The following ACTN4 variants were observed in gnomAD, a reference collection of about 807,000 sequenced individuals.
ACTN4 encodes the protein actinin alpha 4.
ACTN4 carries 18 observed loss-of-function variants against 114.2 expected under a neutral mutation model. That is an observed-to-expected ratio of 0.16 (90% confidence interval 0.11 to 0.23). The LOEUF is 0.23. Among genes scored for constraint, ACTN4 ranks in the 10% least tolerant of loss-of-function variants. The pLI is 1.00. For synonymous variants in ACTN4, 515 were observed against 506.3 expected, an observed-to-expected ratio of 1.02 and a Z score of -0.23; for missense variants, 722 against 1,262.9, an observed-to-expected ratio of 0.57 and a Z score of 6.49.
intron 1 of ACTN4, among the ~76,000 whole-genome samples, chr19:38,673,691 T>C (rs1385518766): frequency 5.7e-5 from 4 of 70,164 alleles, no homozygotes; most frequent in East Asian, 6.2e-4. Flanking sequence ...TTTATATATA[T>C]TATATATATT....
rs368563044 is a variant in ACTN4 at position 38,729,087 on chromosome 19, G to A, written c.2510G>A (p.Arg837Gln). ...CAAGCCTTCATCGACTTCATGTCGC[G>A]GGAGACCACCGACACGGACACGGCT... ...TFQAFIDFMS[R>Q]ETTDTDTADQ... The change falls in exon 20 of 21, where the codon CGG becomes CAG. Residue 837 changes from arginine (R) to glutamine (Q), a missense_variant. By Grantham distance (43) the Arg-to-Gln change is conservative (BLOSUM62 1). Coordinates refer to ENST00000252699, the MANE Select transcript of ACTN4 (RefSeq NM_004924.6). 1.5e-5 allele frequency: 25 copies of A among 1,613,248 alleles called. No individual in the cohort carries two copies. The highest frequency in any genetic ancestry group is 1.2e-4 in the South Asian group (11 of 91,070).
Position 38,680,212 on chromosome 19 carries a change from GTTTTTTTTTTTTTTT to G in ACTN4, c.163-20369_163-20355del, listed in dbSNP as rs75920199. On this transcript the variant is annotated intron_variant, in intron 1 of 20. Transcript: ENST00000252699. The stretch of plus-strand genomic sequence containing the variant: ...CCTGTCCATAGCTGGAGCTCAGGAA[GTTTTTTTTTTTTTTT>G]TTTTTTTTTTTTTTTTTTAAAGTCA... Among the ~76,000 whole-genome samples the G allele has an allele frequency of 7.9e-3, 977 of 124,306 alleles. 9 individuals are homozygous for G. The highest frequency in any genetic ancestry group is 0.024 in the African/African-American group (714 of 29,664). The allele number at this position is 124,306 out of a possible 152,430, so 81.5% of individuals were successfully genotyped here.
intron 1 of ACTN4, among the ~76,000 whole-genome samples, chr19:38,688,833 C>T (rs1470396768): frequency 2.0e-5 from 3 of 152,178 alleles, no homozygotes; most frequent in Non-Finnish European, 1.5e-5. Context: ...TGGGAGAAAT[C>T]AGAACCCTCA....
chr19:38,727,990 C>A lies in ACTN4; in HGVS notation c.2382C>A (p.Leu794=). 1 of 1,613,148 alleles carries A rather than the reference C, an allele frequency of 6.2e-7. No individual in the cohort carries two copies. The highest frequency in any genetic ancestry group is 1.3e-5 in the African/African-American group (1 of 75,026). The change falls in exon 19 of 21, where the codon CTC becomes CTA. Residue 794 remains leucine (L), a synonymous_variant. Transcript: ENST00000252699. This position sits in a 1 kb window ranked among gnomAD's most constrained non-coding sequence, Gnocchi z 5.4. ...GGCCCGAGGAGTTCAAGGCCTGCCT[C>A]ATCAGCCTGGGCTACGACGTGGAGA... ...ALGPEEFKAC[L]ISLGYDVEND... is the part of the protein sequence containing the mutation.
At chr19:38,714,421 G>T in intron 8 of ACTN4, 48 bp from the exon 9 acceptor site, 3 of 1,576,204 alleles carry the variant, frequency 1.9e-6, no homozygotes, top group East Asian at 2.2e-5. Flanking sequence ...CCGTCAGGAG[G>T]GAGGGTGGCC....
rs371936803 is a variant in ACTN4, at chr19:38,717,441, C to T, written c.1143+125C>T. On this transcript the variant is annotated intron_variant, in intron 10 of 20. Coordinates refer to ENST00000252699, the MANE Select transcript of ACTN4 (RefSeq NM_004924.6). This position sits in a 1 kb window ranked among gnomAD's most constrained non-coding sequence, Gnocchi z 4.0. ...GATGTCCTGTGGGACATGGCATGGC[C>T]TTTCGGATGCAGTGGTCGGGGAGGG... 1 of 1,305,250 alleles carries T rather than the reference C, an allele frequency of 7.7e-7. No homozygotes were observed. 80.9% of individuals were successfully genotyped at this position (1,305,250 alleles called of 1,614,324 possible).
intron 1 of ACTN4, among the ~76,000 whole-genome samples, chr19:38,666,606 C>T (rs757273383): frequency 2.6e-5 from 4 of 152,242 alleles, no homozygotes; most frequent in Admixed American, 1.3e-4. Flanking sequence ...GACACCTCCC[C>T]GCCATCACGG....
rs891918401 is a variant in ACTN4, at chr19:38,720,369, C to T, written c.1292-1169C>T. Among the ~76,000 whole-genome samples the T allele has an allele frequency of 5.3e-5, 8 of 152,236 alleles. No individual in the cohort carries two copies. The East Asian group carries it at 9.6e-4, about 18-fold the overall frequency. On this transcript the variant is annotated intron_variant, in intron 11 of 20. Transcript: ENST00000252699. ...TCGGTGCACCCTTGCCAGGACTCTGCGGAGGCAGAGGGAGATGTCACCTGC... is the reference window on the plus strand; with the variant it reads ...TCGGTGCACCCTTGCCAGGACTCTGTGGAGGCAGAGGGAGATGTCACCTGC...
rs1253941922 is a variant in ACTN4 at position 38,701,008 on chromosome 19, G to A, written c.284G>A (p.Arg95Gln). The A allele has an allele frequency of 5.0e-6, 8 of 1,613,892 alleles. No individual in the cohort carries two copies. Among genetic ancestry groups the A allele is most frequent in the South Asian group, 1.1e-5 (1 of 91,072 alleles). The change falls in exon 3 of 21, where the codon CGG (arginine) becomes CAG (glutamine). Residue 95 changes from arginine (R) to glutamine (Q), a missense_variant. Physicochemically the swap from Arg to Gln is conservative, Grantham distance 43. Around this residue, in one of 3 missense-constraint regions of ACTN4, gnomAD observed 127 missense variants for 311.3 expected, o/e 0.41. Transcript: ENST00000252699. The stretch of plus-strand genomic sequence containing the variant: ...CTCTTTGTGCACTTCTCAGGGGAGC[G>A]GTTACCTAAGCCGGAGCGGGGGAAG... The part of the protein sequence containing the change: ...MLLLEVISGE[R>Q]LPKPERGKMR...
At chr19:38,667,046 GTAAT>G (rs1447558678) in intron 1 of ACTN4, among the ~76,000 whole-genome samples, 1 of 152,152 alleles carries the variant, frequency 6.6e-6, no homozygotes, top group Non-Finnish European at 1.5e-5. Context: ...TCTTTAGCTT[GTAAT>G]TAAGGTGCTC....
chr19:38,717,873 C>T lies in ACTN4; in HGVS notation c.1144-54C>T, dbSNP rs1968896655. 6.4e-7 allele frequency: 1 copy of T among 1,553,140 alleles called. No homozygotes were observed. Among genetic ancestry groups the T allele is most frequent in the South Asian group, 1.2e-5 (1 of 84,302 alleles). ...CATCAGCATCCCTTGGAGACATCCC[C>T]CTGGGTGCCTCCACTTCCTTGTGAT... On this transcript the variant is annotated intron_variant, in intron 10 of 20. Coordinates refer to ENST00000252699, the MANE Select transcript of ACTN4 (RefSeq NM_004924.6). The surrounding 1 kb of genome is among the most constrained non-coding windows in gnomAD (Gnocchi z 4.0).
At chr19:38,728,882 C>T (rs1348973776) in intron 19 of ACTN4, 114 bp from the exon 20 acceptor site, 27 of 1,356,458 alleles carry the variant, frequency 2.0e-5, no homozygotes, top group East Asian at 7.0e-5. Context: ...CGCACGCACA[C>T]GTGGGTTGGG....
chr19:38,676,115 A>G (rs536531359), intron 1 of ACTN4, among the ~76,000 whole-genome samples: 1 of 152,046 alleles, frequency 6.6e-6, no homozygotes, highest in African/African-American at 2.4e-5. Context: ...CTGGAGTCCC[A>G]TATGGGAGTT....
intron 3 of ACTN4, 149 bp downstream of exon 3, chr19:38,701,270 A>G: frequency 1.5e-6 from 2 of 1,347,660 alleles, no homozygotes; most frequent in South Asian, 2.8e-5. Flanking sequence ...AGTGATCACA[A>G]CAACTGCTCT....
chr19:38,706,647 G>A (rs1968468786), intron 5 of ACTN4, among the ~76,000 whole-genome samples: 1 of 152,182 alleles, frequency 6.6e-6, no homozygotes, highest in Non-Finnish European at 1.5e-5. Flanking sequence ...TTGAACTCCT[G>A]AGCTCAAGCA....
chr19:38,713,212 C>T (rs538319136), intron 8 of ACTN4, among the ~76,000 whole-genome samples: 22 of 152,340 alleles, frequency 1.4e-4, no homozygotes, highest in Non-Finnish European at 2.6e-4. Context: ...GAAGCGTTCC[C>T]GCCTCGTTCC....
chr19:38,727,134 C>G lies in ACTN4; in HGVS notation c.2337+31C>G. The G allele has an allele frequency of 6.2e-7, 1 of 1,613,102 alleles. No individual in the cohort carries two copies. The highest frequency in any genetic ancestry group is 2.2e-5 in the East Asian group (1 of 44,886). The stretch of plus-strand genomic sequence containing the variant: ...CAGCCTGCCACCTCCTCGGCCTCTC[C>G]CCTCCCGCCGTTGCCGTACCAGCCC... On this transcript the variant is annotated intron_variant, in intron 18 of 20. Coordinates refer to ENST00000252699, the MANE Select transcript of ACTN4 (RefSeq NM_004924.6). The surrounding 1 kb of genome is among the most constrained non-coding windows in gnomAD (Gnocchi z 5.4).
chr19:38,666,588 C>T (rs550695321), intron 1 of ACTN4, among the ~76,000 whole-genome samples: 16 of 152,250 alleles, frequency 1.1e-4, no homozygotes, highest in Non-Finnish European at 1.0e-4. Flanking sequence ...AGTGGGAGCC[C>T]GCTCGGAGAC....
At chr19:38,706,252 T>A in intron 5 of ACTN4, 121 bp downstream of exon 5, 1 of 1,056,536 alleles carries the variant, frequency 9.5e-7, no homozygotes, top group Non-Finnish European at 1.4e-6. Context: ...AGTCAGCCCC[T>A]CCCTGGCCAC....
Sources: gnomAD v4.1 joint callset for allele counts (sites outside exome capture counted in the v4.1 genomes callset) on GRCh38, gnomAD v4.1.1 for gene constraint, gnomAD v4.1.1 regional missense constraint, Gnocchi (gnomAD v3.1) non-coding constraint, MANE v1.5 for transcripts, NCBI Gene and HGNC (gene_info 2026-07-23, HGNC 2026-07-21) for gene names.